Variants in CFAP77 observed in about 807,000 individuals in gnomAD.
CFAP77 encodes the protein cilia- and flagella-associated protein 77.
CFAP77 carries 25 observed loss-of-function variants against 31.1 expected under a neutral mutation model. The observed-to-expected ratio is 0.80, with a 90% CI of 0.59 to 1.12. CFAP77 has a LOEUF of 1.12. Among genes scored for constraint, CFAP77 ranks in the 50% most tolerant of loss-of-function variants. CFAP77 has a pLI of 0.00. For synonymous variants in CFAP77, 151 were observed against 159.9 expected (o/e 0.94, Z 0.42); for missense variants, 377 against 397.3 (o/e 0.95, Z 0.44).
At chr9:132,489,688 C>T (rs1851621783) in intron 1 of CFAP77, among the ~76,000 whole-genome samples, 1 of 152,142 alleles carries the variant, frequency 6.6e-6, no homozygotes. Flanking sequence ...TCTCAGCCTC[C>T]ACATGGCCCA....
intron 3 of CFAP77, among the ~76,000 whole-genome samples, chr9:132,535,517 G>A (rs1043647494): frequency 2.0e-5 from 3 of 152,084 alleles, no homozygotes; most frequent in African/African-American, 7.2e-5. Context: ...TTTGAGACCA[G>A]CCTAGTCAAC....
rs984475346 is a variant in CFAP77, at chr9:132,554,723, G to A, written c.732+11676G>A. Among the ~76,000 whole-genome samples the A allele has an allele frequency of 6.6e-6, 1 of 152,200 alleles. No homozygotes were observed. The highest frequency in any genetic ancestry group is 1.5e-5 in the Non-Finnish European group (1 of 68,036). ...AGACAGGGTACAACTACTGAAGAAA[G>A]TAAAACACTTCTTCCACTTAGAGTT... is the stretch of plus-strand genomic sequence containing the variant. On this transcript the variant is annotated intron_variant, in intron 5 of 5. Transcript: ENST00000393216. This position sits in a 1 kb window ranked among gnomAD's most constrained non-coding sequence, Gnocchi z 4.1.
chr9:132,504,387 A>T (rs1261569449), intron 3 of CFAP77, among the ~76,000 whole-genome samples: 1 of 152,240 alleles, frequency 6.6e-6, no homozygotes, highest in Non-Finnish European at 1.5e-5. Context: ...AATTGCTGTA[A>T]AACCAAGTGG....
intron 1 of CFAP77, among the ~76,000 whole-genome samples, chr9:132,487,841 G>A (rs896601675): frequency 6.6e-6 from 1 of 151,960 alleles, no homozygotes; most frequent in Non-Finnish European, 1.5e-5. Flanking sequence ...TTACATGATT[G>A]TTTATCTGAG....
chr9:132,506,573 G>A (rs1467324342), intron 3 of CFAP77, among the ~76,000 whole-genome samples: 2 of 151,802 alleles, frequency 1.3e-5, no homozygotes, highest in African/African-American at 4.8e-5. Flanking sequence ...ATGCCAGCAG[G>A]AACATCCATC....
chr9:132,518,936 T>C (rs897743489), intron 3 of CFAP77, among the ~76,000 whole-genome samples: 1 of 152,214 alleles, frequency 6.6e-6, no homozygotes, highest in Admixed American at 6.5e-5. Flanking sequence ...TGCGTGGTCT[T>C]GAGCAAGACA....
intron 1 of CFAP77, among the ~76,000 whole-genome samples, chr9:132,484,789 T>C (rs971507397): frequency 2.2e-4 from 33 of 152,272 alleles, no homozygotes; most frequent in African/African-American, 7.9e-4. Context: ...TCAATTCCTT[T>C]GGTATATCAC....
chr9:132,530,133 TTTC>T (rs1852414088), intron 3 of CFAP77, among the ~76,000 whole-genome samples: 1 of 146,960 alleles, frequency 6.8e-6, no homozygotes, highest in Non-Finnish European at 1.5e-5. Context: ...CTTTCTTTCT[TTTC>T]TTTTTTTTTT....
intron 1 of CFAP77, among the ~76,000 whole-genome samples, chr9:132,436,383 G>T (rs1485935380): frequency 6.6e-6 from 1 of 152,120 alleles, no homozygotes; most frequent in Non-Finnish European, 1.5e-5. Context: ...CATCCAGGAT[G>T]ATCTCATCTC....
rs916201200 is a variant in CFAP77 at position 132,573,103 on chromosome 9, C to G, written c.*593C>G. The stretch of plus-strand genomic sequence containing the variant: ...GCTGGGGCCCCGTCAATCAAGCAGG[C>G]CAAGTTGGACTCCTCCCCCAGGACT... On this transcript the variant is annotated 3_prime_UTR_variant, in exon 6 of 6. Transcript: ENST00000393216. 1 of 152,364 alleles carries G rather than the reference C, an allele frequency of 6.6e-6. No individual in the cohort carries two copies. The highest frequency in any genetic ancestry group is 1.5e-5 in the Non-Finnish European group (1 of 68,254). 9.4% of individuals were successfully genotyped at this position (152,364 alleles called of 1,614,324 possible).
intron 3 of CFAP77, among the ~76,000 whole-genome samples, chr9:132,536,567 T>C (rs544001376): frequency 3.3e-5 from 5 of 152,234 alleles, no homozygotes; most frequent in African/African-American, 7.2e-5. Flanking sequence ...CTAATGTTTG[T>C]ATTTTTAGTA....
In CFAP77 at chr9:132,424,601, G is replaced by A. The variant is rs963199435; in HGVS notation, c.195+14135G>A. Among the ~76,000 whole-genome samples, 2 of 152,220 alleles carry A rather than the reference G, an allele frequency of 1.3e-5. No homozygotes were observed. The highest frequency in any genetic ancestry group is 6.5e-5 in the Admixed American group (1 of 15,288). ...GAAGCACACTACCAAGAAGGCGGCAGAGGGAGGTTCCTGGGAAAGGGATGC... is the reference window on the plus strand; with the variant it reads ...GAAGCACACTACCAAGAAGGCGGCAAAGGGAGGTTCCTGGGAAAGGGATGC... On this transcript the variant is annotated intron_variant, in intron 1 of 5. Coordinates refer to ENST00000393216, the MANE Select transcript of CFAP77 (RefSeq NM_001282957.2). This position sits in a 1 kb window ranked among gnomAD's most constrained non-coding sequence, Gnocchi z 4.1.
chr9:132,515,924 G>A (rs1468488507), intron 3 of CFAP77, among the ~76,000 whole-genome samples: 1 of 152,232 alleles, frequency 6.6e-6, no homozygotes, highest in Non-Finnish European at 1.5e-5. Context: ...CTCTTGGGAA[G>A]AGAGAGAGGC....
chr9:132,483,352 A>G (rs1851482860), intron 1 of CFAP77, among the ~76,000 whole-genome samples: 1 of 152,062 alleles, frequency 6.6e-6, no homozygotes, highest in South Asian at 2.1e-4. Flanking sequence ...GGAGACCCCC[A>G]TACATAAAGC....
intron 4 of CFAP77, among the ~76,000 whole-genome samples, chr9:132,542,221 G>A (rs1013002742): frequency 4.6e-5 from 7 of 152,216 alleles, no homozygotes; most frequent in Admixed American, 2.6e-4. Flanking sequence ...CAATACTGAC[G>A]ACTCCCAAAC....
In CFAP77 at chr9:132,517,565, T is replaced by C. The variant is rs1358034646; in HGVS notation, c.524+17965T>C. On this transcript the variant is annotated intron_variant, in intron 3 of 5. Transcript: ENST00000393216. This position sits in a 1 kb window ranked among gnomAD's most constrained non-coding sequence, Gnocchi z 4.7. Reference sequence around the variant, plus strand: ...CCCAAGTCTCCCTTCTGAAACACCTTTCAACAAATGTGTACCTAAAGTCCC... The same window carrying C: ...CCCAAGTCTCCCTTCTGAAACACCTCTCAACAAATGTGTACCTAAAGTCCC... Among the ~76,000 whole-genome samples the C allele has an allele frequency of 6.6e-6, 1 of 152,206 alleles. No homozygotes were observed. The highest frequency in any genetic ancestry group is 1.5e-5 in the Non-Finnish European group (1 of 68,026).
chr9:132,503,369 G>A (rs1851886403), intron 3 of CFAP77, among the ~76,000 whole-genome samples: 1 of 152,192 alleles, frequency 6.6e-6, no homozygotes, highest in Non-Finnish European at 1.5e-5. Flanking sequence ...GTCCATGCTG[G>A]TGACCAAGTG....
rs1852873762 is a variant in CFAP77, at chr9:132,554,897, TATCCATCCATCTATGCATGCATGCATGC to T, written c.732+11862_732+11889del. ...TCATTCATCTATCCAACCATCTATC[TATCCATCCATCTATGCATGCATGCATGC>T]ATCCATCCATCCACCCATCCATCCA... On this transcript the variant is annotated intron_variant, in intron 5 of 5. Coordinates refer to ENST00000393216, the MANE Select transcript of CFAP77 (RefSeq NM_001282957.2). This position sits in a 1 kb window ranked among gnomAD's most constrained non-coding sequence, Gnocchi z 4.1. Among the ~76,000 whole-genome samples, 1 of 151,354 alleles carries T rather than the reference TATCCATCCATCTATGCATGCATGCATGC, an allele frequency of 6.6e-6. No homozygotes were observed. Among genetic ancestry groups the T allele is most frequent in the Non-Finnish European group, 1.5e-5 (1 of 67,852 alleles).
intron 3 of CFAP77, among the ~76,000 whole-genome samples, chr9:132,530,592 ATTGT>A (rs890522897): frequency 4.6e-5 from 7 of 151,698 alleles, no homozygotes; most frequent in African/African-American, 1.5e-4. Flanking sequence ...TTCTAATGGG[ATTGT>A]TTGGGGGTTT....
Sources: gnomAD v4.1 joint callset for allele counts (sites outside exome capture counted in the v4.1 genomes callset) on GRCh38, gnomAD v4.1.1 for gene constraint, Gnocchi (gnomAD v3.1) non-coding constraint, MANE v1.5 for transcripts, NCBI Gene and HGNC (gene_info 2026-07-23, HGNC 2026-07-21) for gene names.